The following FSTL4 variants were observed in gnomAD, a reference collection of about 807,000 sequenced individuals.
FSTL4 encodes follistatin like 4, also known as follistatin-related protein 4.
A neutral mutation model predicts 78.2 loss-of-function variants in FSTL4; 28 were observed. That is an observed-to-expected ratio of 0.36 (90% CI 0.27 to 0.49). The LOEUF (loss-of-function observed/expected upper bound fraction) is 0.49. Ranked by LOEUF, FSTL4 falls within the 20% of genes least tolerant of loss-of-function variation. The pLI is 0.98. For missense variants in FSTL4, 922 were observed against 1,084.9 expected (o/e 0.85, Z 2.11); for synonymous variants, 422 against 440.5 (o/e 0.96, Z 0.53).
At chr5:133,423,955 A>G (rs967463107) in intron 3 of FSTL4, among the ~76,000 whole-genome samples, 10 of 152,348 alleles carry the variant, frequency 6.6e-5, no homozygotes, top group Middle Eastern at 3.4e-3. Context: ...GCTGAGGAAC[A>G]GCGCTGGGGT....
At chr5:133,641,278 A>ACAAAAAAAAC in the FSTL4 span, among the ~76,000 whole-genome samples, 64 of 152,018 alleles carry the variant, frequency 4.2e-4, no homozygotes, top group African/African-American at 1.5e-3. Context: ...ACAAAAAAAA[A>ACAAAAAAAAC]CACGTACTGA....
chr5:133,463,338 T>A (rs183672432), intron 3 of FSTL4, among the ~76,000 whole-genome samples: 328 of 152,268 alleles, frequency 2.2e-3, no homozygotes, highest in Middle Eastern at 0.01. Flanking sequence ...TGTCTCTTCC[T>A]CCACCTAGAA....
At chr5:133,418,860 A>G (rs1469644214) in intron 3 of FSTL4, among the ~76,000 whole-genome samples, 1 of 152,118 alleles carries the variant, frequency 6.6e-6, no homozygotes, top group Non-Finnish European at 1.5e-5. Context: ...CAAACACATC[A>G]CCCAAGATTC....
At chr5:133,558,468 G>A (rs754340320) in intron 3 of FSTL4, among the ~76,000 whole-genome samples, 20 of 152,052 alleles carry the variant, frequency 1.3e-4, no homozygotes, top group East Asian at 3.9e-4. Flanking sequence ...CTCAGACCCC[G>A]GCCCAGGTCT....
At chr5:133,778,651 T>A in the FSTL4 span, among the ~76,000 whole-genome samples, 1 of 152,182 alleles carries the variant, frequency 6.6e-6, no homozygotes, top group South Asian at 2.1e-4. Flanking sequence ...CAGGTGCCTC[T>A]GGGAGAGAGG....
intron 4 of FSTL4, among the ~76,000 whole-genome samples, chr5:133,347,884 A>G (rs1451937468): frequency 6.6e-6 from 1 of 152,224 alleles, no homozygotes; most frequent in African/African-American, 2.4e-5. Flanking sequence ...GAGGAAACAG[A>G]CCCAAAAAGT....
chr5:133,705,861 A>ACACACG, the FSTL4 span, among the ~76,000 whole-genome samples: 3 of 133,300 alleles, frequency 2.3e-5, no homozygotes, highest in Middle Eastern at 4.0e-3. Context: ...ACGCGCGCAC[A>ACACACG]CACACACGCA....
intron 4 of FSTL4, among the ~76,000 whole-genome samples, chr5:133,331,894 CG>C (rs1754356586): frequency 6.6e-6 from 1 of 152,154 alleles, no homozygotes; most frequent in Admixed American, 6.5e-5. Context: ...ATTATCTACA[CG>C]GGAAACTTAT....
chr5:133,801,043 G>A, the FSTL4 span, among the ~76,000 whole-genome samples: 13,851 of 152,070 alleles, frequency 0.091, 848 homozygotes, highest in African/African-American at 0.15. Context: ...CGGCAGCACT[G>A]GCATGATTTA....
intron 3 of FSTL4, among the ~76,000 whole-genome samples, chr5:133,515,704 G>A (rs641214): frequency 0.89 from 134,982 of 151,578 alleles, 60,367 homozygotes; most frequent in African/African-American, 0.95. Context: ...AAAGCAAAAC[G>A]TACAAAAAAT....
At chr5:133,256,306 G>A (rs934522860) in intron 6 of FSTL4, among the ~76,000 whole-genome samples, 1 of 152,186 alleles carries the variant, frequency 6.6e-6, no homozygotes, top group African/African-American at 2.4e-5. Flanking sequence ...AGGTGACCTA[G>A]GTGCCACCAA....
chr5:133,797,568 T>C, the FSTL4 span, among the ~76,000 whole-genome samples: 1 of 152,204 alleles, frequency 6.6e-6, no homozygotes, highest in Non-Finnish European at 1.5e-5. Context: ...TAACCAGGCA[T>C]GTCCAGCTTC....
the FSTL4 span, among the ~76,000 whole-genome samples, chr5:133,655,008 C>G: frequency 6.6e-6 from 1 of 152,198 alleles, no homozygotes; most frequent in Non-Finnish European, 1.5e-5. Context: ...AAGCTGCAGA[C>G]CAGAATATCC....
Position 133,236,978 on chromosome 5 carries a change from C to A in FSTL4, c.895-3441G>T, listed in dbSNP as rs945584974. ...TGTGCCCTGTGTGCCTGTCACAGTC[C>A]TGGTGCACAGTGGGCCCTCAAAAAA... On this transcript the variant is annotated intron_variant, in intron 7 of 15. Transcript: ENST00000265342. This position sits in a 1 kb window ranked among gnomAD's most constrained non-coding sequence, Gnocchi z 5.0. Among the ~76,000 whole-genome samples, 6 of 152,222 alleles carry A rather than the reference C, an allele frequency of 3.9e-5. No individual in the cohort carries two copies. Among genetic ancestry groups the A allele is most frequent in the African/African-American group, 1.2e-4 (5 of 41,458 alleles).
chr5:133,374,585 C>T (rs1025489231), intron 4 of FSTL4, among the ~76,000 whole-genome samples: 2 of 152,070 alleles, frequency 1.3e-5, no homozygotes, highest in Non-Finnish European at 2.9e-5. Flanking sequence ...TTGTGTCTCC[C>T]CAAATTCATA....
chr5:133,557,243 G>T (rs2112934001), intron 3 of FSTL4, among the ~76,000 whole-genome samples: 1 of 152,300 alleles, frequency 6.6e-6, no homozygotes, highest in Non-Finnish European at 1.5e-5. Context: ...CTTAGCCTTG[G>T]ATTCCTTCTG....
At chr5:133,801,927 C>T in the FSTL4 span, among the ~76,000 whole-genome samples, 1 of 152,218 alleles carries the variant, frequency 6.6e-6, no homozygotes, top group Non-Finnish European at 1.5e-5. Context: ...CACCTCCCTG[C>T]TCCCTACTCC....
chr5:133,509,266 A>G (rs536045106), intron 3 of FSTL4, among the ~76,000 whole-genome samples: 3 of 152,050 alleles, frequency 2.0e-5, no homozygotes, highest in South Asian at 4.2e-4. Context: ...TGCAACCCCC[A>G]CACCTCATCT....
intron 3 of FSTL4, among the ~76,000 whole-genome samples, chr5:133,504,539 A>G (rs1465880127): frequency 1.3e-5 from 2 of 152,136 alleles, no homozygotes; most frequent in Non-Finnish European, 2.9e-5. Context: ...ATTACAACCT[A>G]TTGATGCTTA....
Sources: gnomAD v4.1 joint callset for allele counts (sites outside exome capture counted in the v4.1 genomes callset) on GRCh38, gnomAD v4.1.1 for gene constraint, Gnocchi (gnomAD v3.1) non-coding constraint, MANE v1.5 for transcripts, NCBI Gene and HGNC (gene_info 2026-07-23, HGNC 2026-07-21) for gene names.